The following REEP5 variants were observed in gnomAD, a reference collection of about 807,000 sequenced individuals.
REEP5 encodes the protein receptor accessory protein 5.
A neutral mutation model predicts 22.4 loss-of-function variants in REEP5; 24 were observed. The observed-to-expected ratio is 1.07, with a 90% CI of 0.78 to 1.51. The LOEUF (loss-of-function observed/expected upper bound fraction) is 1.51. REEP5 is among the 40% of genes most tolerant of loss of function. The pLI is 0.00. For missense variants in REEP5, 252 were observed against 233.0 expected, an observed-to-expected ratio of 1.08 and a Z score of -0.53; for synonymous variants, 103 against 88.6, an observed-to-expected ratio of 1.16 and a Z score of -0.92.
In REEP5 at chr5:112,878,046, G is replaced by A. The variant is rs1219828651; in HGVS notation, c.*740C>T. On this transcript the variant is annotated 3_prime_UTR_variant, in exon 5 of 5. Coordinates refer to ENST00000379638, the MANE Select transcript of REEP5 (RefSeq NM_005669.5). The stretch of plus-strand genomic sequence containing the variant: ...GTAAATTTCCCGATTTATCACTAGA[G>A]TGAGTAACTAACTAACTAACTGCTT... The A allele has an allele frequency of 1.1e-5, 1 of 93,318 alleles. No homozygotes were observed. The highest frequency in any genetic ancestry group is 6.0e-4 in the East Asian group (1 of 1,662). 5.8% of individuals were successfully genotyped at this position (93,318 alleles called of 1,614,324 possible).
chr5:112,898,317 T>C (rs969235315), intron 3 of REEP5: 5 of 152,234 alleles, frequency 3.3e-5, no homozygotes, highest in Admixed American at 2.0e-4. Context: ...TTTAATCCTT[T>C]CAAGTATGTT....
In REEP5 at chr5:112,921,846, G is replaced by A. The variant is rs1366117887; in HGVS notation, c.118+227C>T. 4 of 429,676 alleles carry A rather than the reference G, an allele frequency of 9.3e-6. No homozygotes were observed. The South Asian group carries it at 1.3e-4, about 14-fold the overall frequency. 26.6% of individuals were successfully genotyped at this position (429,676 alleles called of 1,614,324 possible). ...TGGCCCTTCCAGCTGCCAGCGCCCG[G>A]CGCCGCAGCTGCCCTCCAGCCCCGC... On this transcript the variant is annotated intron_variant, in intron 1 of 4. Transcript: ENST00000379638.
intron 2 of REEP5, among the ~76,000 whole-genome samples, chr5:112,913,766 A>C (rs1208140893): frequency 1.3e-5 from 2 of 152,102 alleles, no homozygotes; most frequent in African/African-American, 4.8e-5. Flanking sequence ...CTTAAGACTG[A>C]ATTGGTCCCA....
At chr5:112,918,254 A>AGGAAGAGGGGTATACAATAAGGTTACT in intron 2 of REEP5, among the ~76,000 whole-genome samples, 1 of 152,316 alleles carries the variant, frequency 6.6e-6, no homozygotes, top group East Asian at 1.9e-4. Context: ...AACAACCAGT[A>AGGAAGAGGGGTATACAATAAGGTTACT]GGAAGAGGGG....
At chr5:112,900,068 T>C (rs1768808633) in intron 3 of REEP5, among the ~76,000 whole-genome samples, 1 of 152,232 alleles carries the variant, frequency 6.6e-6, no homozygotes, top group Non-Finnish European at 1.5e-5. Context: ...GCCAGTTTAA[T>C]GAACAAAATA....
intron 2 of REEP5, among the ~76,000 whole-genome samples, chr5:112,912,383 A>G (rs765146099): frequency 6.6e-6 from 1 of 152,184 alleles, no homozygotes; most frequent in African/African-American, 2.4e-5. Context: ...TTGTACCAAT[A>G]TCAACTATTT....
In REEP5 at chr5:112,902,404, C is replaced by T. The variant is rs947027420; in HGVS notation, c.327G>A (p.Trp109Ter). The T allele has an allele frequency of 1.9e-6, 3 of 1,612,488 alleles. No individual in the cohort carries two copies. ...CCTTCAGCATGTAGTAGAAGGGGAA[C>T]CATGACAGGAAGATATCAGAGAAGA... is the stretch of plus-strand genomic sequence containing the variant. Reference protein sequence around the residue: ...AEFFSDIFLSWFPFYYMLKCG... With the variant: ...AEFFSDIFLS The change falls in exon 3 of 5, where the codon TGG (tryptophan) becomes TGA (stop). Residue 109 changes from tryptophan (W) to a stop codon, truncating the protein, a stop_gained. Transcript: ENST00000379638. LOFTEE classifies it high-confidence loss of function.
intron 2 of REEP5, among the ~76,000 whole-genome samples, chr5:112,905,728 C>G (rs976378304): frequency 6.6e-6 from 1 of 151,998 alleles, no homozygotes; most frequent in African/African-American, 2.4e-5. Context: ...TCAAGTGATC[C>G]TCCCACCTCA....
chr5:112,913,742 C>T (rs1769171009), intron 2 of REEP5, among the ~76,000 whole-genome samples: 1 of 152,090 alleles, frequency 6.6e-6, no homozygotes, highest in African/African-American at 2.4e-5. Context: ...GGAATGTGGA[C>T]AGACATCCCT....
rs1769350734 is a variant in REEP5 at position 112,921,153 on chromosome 5, T to C, written c.212+10A>G. ...AAGGGAAGGGGACGGCTGCAGGGTG[T>C]GTCACTTACGAGATGTAGGCTGGGT... On this transcript the variant is annotated intron_variant, in intron 2 of 4. Coordinates refer to ENST00000379638, the MANE Select transcript of REEP5 (RefSeq NM_005669.5). 1 of 1,613,670 alleles carries C rather than the reference T, an allele frequency of 6.2e-7. No individual in the cohort carries two copies. Among genetic ancestry groups the C allele is most frequent in the Non-Finnish European group, 8.5e-7 (1 of 1,179,734 alleles).
At chr5:112,919,591 A>G (rs772052733) in intron 2 of REEP5, among the ~76,000 whole-genome samples, 1 of 152,058 alleles carries the variant, frequency 6.6e-6, no homozygotes, top group Non-Finnish European at 1.5e-5. Context: ...CAGGCATGAG[A>G]GCTCTGCCCT....
intron 4 of REEP5, among the ~76,000 whole-genome samples, chr5:112,883,373 C>G (rs974736272): frequency 1.3e-5 from 2 of 152,170 alleles, no homozygotes; most frequent in Non-Finnish European, 2.9e-5. Context: ...CTTACTTGAC[C>G]TGTTGACAGC....
chr5:112,876,420 T>C lies in REEP5; in HGVS notation c.*2366A>G, dbSNP rs919216113. ...ACTCAATTTTATTTACATCTATTTATTTCCATTCAGTGTATCACATCTTCA... is the reference window on the plus strand; with the variant it reads ...ACTCAATTTTATTTACATCTATTTACTTCCATTCAGTGTATCACATCTTCA... On this transcript the variant is annotated 3_prime_UTR_variant, in exon 5 of 5. Coordinates refer to ENST00000379638, the MANE Select transcript of REEP5 (RefSeq NM_005669.5). The C allele has an allele frequency of 6.6e-6, 1 of 152,240 alleles. No homozygotes were observed. Among genetic ancestry groups the C allele is most frequent in the African/African-American group, 2.4e-5 (1 of 41,450 alleles). 9.4% of individuals were successfully genotyped at this position (152,240 alleles called of 1,614,324 possible). A position where few individuals can be genotyped will look rare whatever the true frequency, so the allele number is the denominator to read the frequency against.
chr5:112,881,128 C>CA (rs58737941), intron 4 of REEP5, among the ~76,000 whole-genome samples: 4,773 of 66,832 alleles, frequency 0.071, 420 homozygotes, highest in Middle Eastern at 0.15. Context: ...GACTCTGTTT[C>CA]AAAAAAAAAA....
intron 4 of REEP5, among the ~76,000 whole-genome samples, chr5:112,884,077 T>C (rs1467480883): frequency 6.6e-6 from 1 of 152,224 alleles, no homozygotes; most frequent in Non-Finnish European, 1.5e-5. Context: ...ACTTCCTGCC[T>C]TACCCCTTCA....
At chr5:112,905,727 C>T (rs1479712584) in intron 2 of REEP5, among the ~76,000 whole-genome samples, 1 of 151,870 alleles carries the variant, frequency 6.6e-6, no homozygotes, top group Non-Finnish European at 1.5e-5. Context: ...CTCAAGTGAT[C>T]CTCCCACCTC....
chr5:112,887,097 C>A lies in REEP5; in HGVS notation c.438G>T (p.Leu146=). ...LYKRIIRPFF[L]KHESQMDSVV... ...CACTGTCCATCTGGGACTCGTGCTT[C>A]AGGAAGAAAGGACGGATGATGCGCT... The change falls in exon 4 of 5, where the codon CTG becomes CTT. Residue 146 remains leucine, a synonymous_variant. Coordinates refer to ENST00000379638, the MANE Select transcript of REEP5 (RefSeq NM_005669.5). 1 of 1,613,680 alleles carries A rather than the reference C, an allele frequency of 6.2e-7. No homozygotes were observed. Among genetic ancestry groups the A allele is most frequent in the Non-Finnish European group, 8.5e-7 (1 of 1,179,906 alleles).
chr5:112,903,927 C>T (rs993921292), intron 2 of REEP5, among the ~76,000 whole-genome samples: 1 of 152,158 alleles, frequency 6.6e-6, no homozygotes, highest in Non-Finnish European at 1.5e-5. Flanking sequence ...AACTTCTGGG[C>T]TTATGTAATT....
intron 2 of REEP5, 115 bp downstream of exon 2, chr5:112,921,048 T>C (rs908692054): frequency 7.9e-6 from 8 of 1,012,266 alleles, no homozygotes; most frequent in Middle Eastern, 4.8e-4. Flanking sequence ...ACCTCATCCC[T>C]CCCCGCCGAG....
Sources: gnomAD v4.1 joint callset for allele counts (sites outside exome capture counted in the v4.1 genomes callset) on GRCh38, gnomAD v4.1.1 for gene constraint, MANE v1.5 for transcripts, NCBI Gene and HGNC (gene_info 2026-07-23, HGNC 2026-07-21) for gene names.